The following RICTOR variants were observed in gnomAD, a reference collection of about 807,000 sequenced individuals.
RICTOR encodes the protein rapamycin-insensitive companion of mTOR.
A neutral mutation model predicts 214.9 loss-of-function variants in RICTOR; 49 were observed. The ratio of observed to expected loss-of-function variants is 0.23; its 90% CI spans 0.18 to 0.29. The LOEUF is 0.29. Among genes scored for constraint, RICTOR ranks in the 10% least tolerant of loss-of-function variants. The probability of loss-of-function intolerance (pLI) is 1.00; values close to 1 mark genes in which losing one functional copy is unlikely to be tolerated. For missense variants in RICTOR, 1,625 were observed against 2,047.0 expected, an observed-to-expected ratio of 0.79 and a Z score of 3.98; for synonymous variants, 717 against 711.3, an observed-to-expected ratio of 1.01 and a Z score of -0.13.
At chr5:39,048,298 G>A (rs760711186) in intron 2 of RICTOR, among the ~76,000 whole-genome samples, 3 of 152,178 alleles carry the variant, frequency 2.0e-5, no homozygotes, top group Non-Finnish European at 4.4e-5. Context: ...CTTTAAAAAG[G>A]CCTGCTTGCA....
intron 9 of RICTOR, 123 bp from the exon 10 acceptor site, chr5:38,975,727 A>ATGATCCGGCG: frequency 1.8e-6 from 1 of 541,126 alleles, no homozygotes; most frequent in Non-Finnish European, 3.1e-6. Flanking sequence ...CATAAAATTA[A>ATGATCCGGCG]AACAAGACAA....
At chr5:38,995,508 A>C (rs1753115566) in intron 6 of RICTOR, among the ~76,000 whole-genome samples, 1 of 152,160 alleles carries the variant, frequency 6.6e-6, no homozygotes, top group Admixed American at 6.5e-5. Context: ...CTCAATCACC[A>C]CTAAATAACT....
intron 10 of RICTOR, among the ~76,000 whole-genome samples, chr5:38,975,114 C>T (rs1751103859): frequency 6.6e-6 from 1 of 152,060 alleles, no homozygotes; most frequent in South Asian, 2.1e-4. Context: ...ATGCACAATC[C>T]CTATTCTCAA....
In RICTOR at chr5:39,025,570, G is replaced by C. The variant is rs557217158; in HGVS notation, c.98-4434C>G. On this transcript the variant is annotated intron_variant, in intron 2 of 37. Coordinates refer to ENST00000357387, the MANE Select transcript of RICTOR (RefSeq NM_152756.5). ...AGACCGAATGGCTTATTAAGCAACAGAAGTTTATATCTCATAGTTCTGCAG... is the reference window on the plus strand; with the variant it reads ...AGACCGAATGGCTTATTAAGCAACACAAGTTTATATCTCATAGTTCTGCAG... Among the ~76,000 whole-genome samples, 79 of 152,324 alleles carry C rather than the reference G, an allele frequency of 5.2e-4. 1 individual carries two copies. The highest frequency in any genetic ancestry group is 1.1e-3 in the Non-Finnish European group (72 of 68,024).
At chr5:38,970,918 G>C (rs1750725187) in intron 11 of RICTOR, 1 of 152,190 alleles carries the variant, frequency 6.6e-6, no homozygotes, top group Non-Finnish European at 1.5e-5. Context: ...AGTCTGTAGT[G>C]CTTGAACCTT....
chr5:39,055,608 G>A (rs1030221646), intron 2 of RICTOR, among the ~76,000 whole-genome samples: 2 of 152,022 alleles, frequency 1.3e-5, no homozygotes, highest in African/African-American at 4.8e-5. Flanking sequence ...ACACAGTAAA[G>A]GTCAACAAAT....
intron 2 of RICTOR, among the ~76,000 whole-genome samples, chr5:39,042,023 C>T (rs1342386487): frequency 6.6e-6 from 1 of 151,598 alleles, no homozygotes; most frequent in Non-Finnish European, 1.5e-5. Flanking sequence ...AGTTTTCAAG[C>T]CTGTGTTCTT....
intron 25 of RICTOR, among the ~76,000 whole-genome samples, chr5:38,956,908 T>C (rs1561455741): frequency 6.6e-6 from 1 of 152,138 alleles, no homozygotes; most frequent in Non-Finnish European, 1.5e-5. Flanking sequence ...GGAGTATCTC[T>C]TATGAAATAT....
intron 2 of RICTOR, among the ~76,000 whole-genome samples, chr5:39,035,840 T>C (rs916759857): frequency 3.3e-5 from 5 of 152,240 alleles, no homozygotes; most frequent in Non-Finnish European, 7.3e-5. Flanking sequence ...CTACGTCTGA[T>C]TGTTGTACCT....
At chr5:38,943,256 C>G in intron 36 of RICTOR, 1 of 309,652 alleles carries the variant, frequency 3.2e-6, no homozygotes, top group Non-Finnish European at 6.0e-6. Context: ...ATATATTTAT[C>G]AGCCTAGGAT....
chr5:38,956,015 G>C (rs931460634), intron 25 of RICTOR, among the ~76,000 whole-genome samples: 1 of 151,872 alleles, frequency 6.6e-6, no homozygotes, highest in Non-Finnish European at 1.5e-5. Context: ...TTATAAATGT[G>C]ATCTCTTAAT....
rs533604391 is a variant in RICTOR at position 39,063,816 on chromosome 5, C to T, written c.97+10295G>A. 7.8e-3 allele frequency among the ~76,000 whole-genome samples: 1,182 copies of T among 151,420 alleles called. 21 individuals are homozygous for T. The highest frequency in any genetic ancestry group is 0.028 in the African/African-American group (1,150 of 41,210). On this transcript the variant is annotated intron_variant, in intron 2 of 37. Transcript: ENST00000357387. The stretch of plus-strand genomic sequence containing the variant: ...GACATTAATAAAACCATTACAAATC[C>T]AAATTAACACAATGGGGTTAAAAAA...
chr5:38,966,694 C>G lies in RICTOR; in HGVS notation c.1246G>C (p.Asp416His). 1 of 1,594,734 alleles carries G rather than the reference C, an allele frequency of 6.3e-7. No individual in the cohort carries two copies. Among genetic ancestry groups the G allele is most frequent in the Non-Finnish European group, 8.6e-7 (1 of 1,164,848 alleles). ...EGLVEVITNS[D>H]DHISVRATIL... ...GTAGCTCTAACTGAGATATGATCATCACTGTTTGTTATCACTTCAACTAGA... is the reference window on the plus strand; with the variant it reads ...GTAGCTCTAACTGAGATATGATCATGACTGTTTGTTATCACTTCAACTAGA... The change falls in exon 15 of 38, where the codon GAT becomes CAT. Residue 416 changes from aspartate (D) to histidine (H), a missense_variant. Transcript: ENST00000357387.
chr5:38,954,600 T>G, intron 27 of RICTOR, 174 bp downstream of exon 27: 1 of 533,612 alleles, frequency 1.9e-6, no homozygotes. Context: ...ATTTCTCAGG[T>G]TAATAAATAT....
chr5:39,074,397 A>C lies in RICTOR; in HGVS notation c.-20T>G, dbSNP rs1321165960. 4 of 1,529,078 alleles carry C rather than the reference A, an allele frequency of 2.6e-6. No homozygotes were observed. In the East Asian group the frequency reaches 1.0e-4, roughly 40 times the overall value. 94.7% of individuals were successfully genotyped at this position (1,529,078 alleles called of 1,614,324 possible). On this transcript the variant is annotated 5_prime_UTR_variant, in exon 1 of 38. Transcript: ENST00000357387. ...CGCCATATTGACGGGTTTCAGTCAC[A>C]ACACCGGAAACCTCGCCCAATCGCG...
At chr5:38,999,442 T>C (rs955328608) in intron 5 of RICTOR, among the ~76,000 whole-genome samples, 7 of 151,866 alleles carry the variant, frequency 4.6e-5, no homozygotes, top group African/African-American at 1.5e-4. Context: ...TAACTGGTAG[T>C]GAAAACAGCC....
chr5:39,005,091 A>G (rs1753949356), intron 3 of RICTOR, among the ~76,000 whole-genome samples: 1 of 151,294 alleles, frequency 6.6e-6, no homozygotes, highest in East Asian at 1.9e-4. Flanking sequence ...TCTCACTCAG[A>G]CTCTTTTAAA....
At chr5:38,976,325 T>G (rs1426297839) in intron 9 of RICTOR, among the ~76,000 whole-genome samples, 1 of 152,106 alleles carries the variant, frequency 6.6e-6, no homozygotes, top group African/African-American at 2.4e-5. Flanking sequence ...TTTTTAATCT[T>G]TCCTACTTAA....
In RICTOR at chr5:38,986,393, T is replaced by G. The variant is rs185337692; in HGVS notation, c.584-4357A>C. On this transcript the variant is annotated intron_variant, in intron 7 of 37. Transcript: ENST00000357387. Reference sequence around the variant, plus strand: ...AGTTCATAATAGTGTGAAAATGAACTAATACAAACATACAGAATAACTAAT... The same window carrying G: ...AGTTCATAATAGTGTGAAAATGAACGAATACAAACATACAGAATAACTAAT... Among the ~76,000 whole-genome samples, 294 of 152,276 alleles carry G rather than the reference T, an allele frequency of 1.9e-3. 1 individual carries two copies. Among genetic ancestry groups the G allele is most frequent in the Middle Eastern group, 0.01 (3 of 294 alleles).
Sources: gnomAD v4.1 joint callset for allele counts (sites outside exome capture counted in the v4.1 genomes callset) on GRCh38, gnomAD v4.1.1 for gene constraint, MANE v1.5 for transcripts, NCBI Gene and HGNC (gene_info 2026-07-23, HGNC 2026-07-21) for gene names.